CNTNAP5: variants seen among roughly 807,000 people sequenced by gnomAD.
CNTNAP5 encodes contactin-associated protein-like 5.
In CNTNAP5, 72 loss-of-function variants were observed where a neutral mutation model predicts 150.2. That is an observed-to-expected ratio of 0.48 (90% CI 0.40 to 0.58). The LOEUF is 0.58. CNTNAP5 is among the 20% of genes least tolerant of loss of function. CNTNAP5 has a pLI of 0.00. For missense variants in CNTNAP5, 1,636 were observed against 1,626.2 expected, an observed-to-expected ratio of 1.01 and a Z score of -0.10; for synonymous variants, 672 against 619.8, an observed-to-expected ratio of 1.08 and a Z score of -1.25.
chr2:124,188,215 C>A (rs1211178646), intron 1 of CNTNAP5, among the ~76,000 whole-genome samples: 1 of 152,064 alleles, frequency 6.6e-6, no homozygotes, highest in Non-Finnish European at 1.5e-5. Flanking sequence ...GAAGAGGTAT[C>A]AACGATTCAC....
At chr2:124,415,981 T>C (rs1169252849) in intron 3 of CNTNAP5, among the ~76,000 whole-genome samples, 1 of 152,206 alleles carries the variant, frequency 6.6e-6, no homozygotes, top group African/African-American at 2.4e-5. Flanking sequence ...AATTCTTTTT[T>C]GGCATTGAAT....
chr2:124,637,743 A>G lies in CNTNAP5; in HGVS notation c.1877-10015A>G, dbSNP rs192153681. 3.0e-3 allele frequency among the ~76,000 whole-genome samples: 450 copies of G among 152,244 alleles called. 1 individual carries two copies. The highest frequency in any genetic ancestry group is 1.0e-3 in the Non-Finnish European group (70 of 68,000). On this transcript the variant is annotated intron_variant, in intron 12 of 23. Transcript: ENST00000682447. ...GCTGCCATTCTGAAGTCTTACCTACAGAAGAGATTTTTTTCCCTTTCCCTG... is the reference window on the plus strand; with the variant it reads ...GCTGCCATTCTGAAGTCTTACCTACGGAAGAGATTTTTTTCCCTTTCCCTG...
intron 1 of CNTNAP5, among the ~76,000 whole-genome samples, chr2:124,028,288 T>C (rs1039720517): frequency 6.4e-5 from 7 of 109,830 alleles, no homozygotes; most frequent in African/African-American, 2.1e-4. Flanking sequence ...TGGTTGTTAC[T>C]ATGGTGTGGT....
chr2:124,535,058 A>G (rs1397983098), intron 10 of CNTNAP5, among the ~76,000 whole-genome samples: 1 of 152,226 alleles, frequency 6.6e-6, no homozygotes, highest in Non-Finnish European at 1.5e-5. Flanking sequence ...ATCTATGCAT[A>G]TAGCAAAATT....
chr2:124,707,170 AG>A (rs1679702746), intron 13 of CNTNAP5, among the ~76,000 whole-genome samples: 2 of 146,804 alleles, frequency 1.4e-5, no homozygotes, highest in African/African-American at 2.5e-5. Flanking sequence ...AAGAAGAAGA[AG>A]AAGAAGAAGA....
In CNTNAP5 at chr2:124,691,253, T is replaced by C. The variant is rs568437920; in HGVS notation, c.2077+43295T>C. Among the ~76,000 whole-genome samples, 6 of 152,278 alleles carry C rather than the reference T, an allele frequency of 3.9e-5. No individual in the cohort carries two copies. The South Asian group carries it at 1.2e-3, about 32-fold the overall frequency. ...CTTCCTTCTGGGTGTAGGGGTTTTA[T>C]GACCTATAATCATACAAGGTAGGTC... On this transcript the variant is annotated intron_variant, in intron 13 of 23. Transcript: ENST00000682447.
chr2:124,201,923 G>A (rs1685738046), intron 1 of CNTNAP5, among the ~76,000 whole-genome samples: 1 of 152,106 alleles, frequency 6.6e-6, no homozygotes, highest in South Asian at 2.1e-4. Flanking sequence ...CTGTTCATTA[G>A]CCTCACCATT....
intron 5 of CNTNAP5, among the ~76,000 whole-genome samples, chr2:124,440,076 T>C (rs1240941468): frequency 6.6e-6 from 1 of 152,160 alleles, no homozygotes; most frequent in African/African-American, 2.4e-5. Context: ...CCCCTATTCT[T>C]TGAGTCCTTA....
At chr2:124,380,690 T>C (rs867044928) in intron 3 of CNTNAP5, among the ~76,000 whole-genome samples, 8 of 152,150 alleles carry the variant, frequency 5.3e-5, no homozygotes, top group African/African-American at 1.9e-4. Flanking sequence ...CTCCCTCCCC[T>C]ACCTCCACTC....
chr2:124,864,848 T>G (rs1173142795), intron 19 of CNTNAP5, among the ~76,000 whole-genome samples: 1 of 152,168 alleles, frequency 6.6e-6, no homozygotes, highest in Non-Finnish European at 1.5e-5. Flanking sequence ...CTGGCCACAT[T>G]CCCATCATGG....
At chr2:124,503,908 C>A (rs1322711161) in intron 7 of CNTNAP5, among the ~76,000 whole-genome samples, 1 of 152,166 alleles carries the variant, frequency 6.6e-6, no homozygotes, top group Non-Finnish European at 1.5e-5. Flanking sequence ...GTCCGGCTCC[C>A]GCTGGAGCTA....
chr2:124,289,941 T>A (rs773775088), intron 3 of CNTNAP5, among the ~76,000 whole-genome samples: 46 of 152,356 alleles, frequency 3.0e-4, no homozygotes, highest in Non-Finnish European at 4.6e-4. Flanking sequence ...GAGTACTTTT[T>A]AAATTTTCTA....
At chr2:124,530,871 A>G (rs868451092) in intron 10 of CNTNAP5, among the ~76,000 whole-genome samples, 16 of 152,110 alleles carry the variant, frequency 1.1e-4, no homozygotes, top group Admixed American at 3.9e-4. Flanking sequence ...CATAATAACC[A>G]TCTTTCCAGC....
rs551701051 is a variant in CNTNAP5 at position 124,542,073 on chromosome 2, G to A, written c.1649+14617G>A. 9.2e-5 allele frequency among the ~76,000 whole-genome samples: 14 copies of A among 151,838 alleles called. No individual in the cohort carries two copies. The South Asian group carries it at 1.5e-3, about 16-fold the overall frequency. ...CTCTCCCACCTCCCCAAATGCATAC[G>A]TTATTGCAACTGTAGCTATTCTAAC... On this transcript the variant is annotated intron_variant, in intron 10 of 23. Transcript: ENST00000682447.
In CNTNAP5 at chr2:124,413,020, A is replaced by C. The variant is rs866038001; in HGVS notation, c.382-4423A>C. On this transcript the variant is annotated intron_variant, in intron 3 of 23. Coordinates refer to ENST00000682447, the MANE Select transcript of CNTNAP5 (RefSeq NM_001367498.1). ...AATATCCAGAATCTACAATGAACTC[A>C]AACAAATTTACAAGGAAAAAACAAA... is the stretch of plus-strand genomic sequence containing the variant. Among the ~76,000 whole-genome samples the C allele has an allele frequency of 9.9e-3, 371 of 37,484 alleles. 4 individuals carry two copies. Among genetic ancestry groups the C allele is most frequent in the Middle Eastern group, 0.023 (3 of 132 alleles). 24.6% of individuals were successfully genotyped at this position (37,484 alleles called of 152,430 possible).
chr2:124,763,572 T>G (rs1232683264), intron 14 of CNTNAP5, 100 bp from the exon 15 acceptor site: 6 of 1,162,884 alleles, frequency 5.2e-6, no homozygotes, highest in Non-Finnish European at 7.4e-6. Context: ...CCTACCCTGC[T>G]GCAACTGGCC....
At chr2:124,856,345 T>TAGATACCCAGTAGTGGGATTGCTGG (rs1677373604) in intron 19 of CNTNAP5, among the ~76,000 whole-genome samples, 1 of 152,192 alleles carries the variant, frequency 6.6e-6, no homozygotes, top group South Asian at 2.1e-4. Context: ...CTTTCCTGTG[T>TAGATACCCAGTAGTGGGATTGCTGG]AGATACCCAG....
rs928961153 is a variant in CNTNAP5 at position 124,025,525 on chromosome 2, G to T, written c.-126G>T. 8 of 741,030 alleles carry T rather than the reference G, an allele frequency of 1.1e-5. No homozygotes were observed. Among genetic ancestry groups the T allele is most frequent in the Admixed American group, 1.0e-4 (5 of 49,958 alleles). The allele number at this position is 741,030 out of a possible 1,614,324, so 45.9% of individuals were successfully genotyped here. On this transcript the variant is annotated 5_prime_UTR_variant, in exon 1 of 24. Coordinates refer to ENST00000682447, the MANE Select transcript of CNTNAP5 (RefSeq NM_001367498.1). ...TGGGCACGGGATGGAGTGAAAGAGC[G>T]AGTGCCTCTCCAAGCGGGGGTGGGA... is the stretch of plus-strand genomic sequence containing the variant.
chr2:124,100,214 A>G (rs1030403437), intron 1 of CNTNAP5, among the ~76,000 whole-genome samples: 3 of 152,126 alleles, frequency 2.0e-5, no homozygotes, highest in Non-Finnish European at 2.9e-5. Flanking sequence ...TTAAACAACC[A>G]GAGCACATGA....
Sources: allele counts gnomAD v4.1 joint callset (sites outside exome capture counted in the v4.1 genomes callset), GRCh38; gene constraint gnomAD v4.1.1; transcripts MANE v1.5; gene names NCBI Gene and HGNC (gene_info 2026-07-23, HGNC 2026-07-21).